SERPINF2: variants seen among roughly 807,000 people sequenced by gnomAD.
The protein encoded by SERPINF2 is serpin family F member 2, also known as alpha-2-antiplasmin.
In SERPINF2, 15 loss-of-function variants were observed where a neutral mutation model predicts 45.0. The ratio of observed to expected loss-of-function variants is 0.33; its 90% confidence interval spans 0.22 to 0.51. SERPINF2 has a LOEUF of 0.51. SERPINF2 is among the 20% of genes least tolerant of loss of function. The pLI, the probability that SERPINF2 is intolerant of heterozygous loss-of-function variation, is 0.97. For missense variants in SERPINF2, 518 were observed against 637.4 expected (o/e 0.81, Z 2.02); for synonymous variants, 283 against 277.9 (o/e 1.02, Z -0.18).
intron 9 of SERPINF2, among the ~76,000 whole-genome samples, chr17:1,753,300 G>T (rs781352878): frequency 1.3e-5 from 2 of 152,124 alleles, no homozygotes; most frequent in African/African-American, 4.8e-5. Context: ...GAGGTGGGAG[G>T]CCCTCTTGAC....
intron 8 of SERPINF2, among the ~76,000 whole-genome samples, 179 bp from the exon 9 acceptor site, chr17:1,752,407 G>A (rs1393036442): frequency 6.6e-6 from 1 of 152,178 alleles, no homozygotes; most frequent in Non-Finnish European, 1.5e-5. Context: ...TCCGCCTGCA[G>A]TGGGACAGGT....
chr17:1,747,582 T>C, intron 7 of SERPINF2, 70 bp downstream of exon 7: 1 of 1,521,552 alleles, frequency 6.6e-7, no homozygotes, highest in Non-Finnish European at 9.0e-7. Flanking sequence ...TTTTTGTTTT[T>C]TGAGACAAGT....
Position 1,745,024 on chromosome 17 carries a change from T to C in SERPINF2, c.29T>C (p.Leu10Pro), listed in dbSNP as rs754979455. MALLWGLLV[L>P]SWSCLQGPCS... ...GCGCTGCTCTGGGGGCTCCTGGTGCTCAGCTGGTCCTGCCTGCAAGGCCCC... is the reference window on the plus strand; with the variant it reads ...GCGCTGCTCTGGGGGCTCCTGGTGCCCAGCTGGTCCTGCCTGCAAGGCCCC... Residue 10 changes from leucine (L) to proline (P), a missense_variant, in exon 2 of 10, where the codon CTC becomes CCC. Leu to Pro is a moderately conservative substitution (Grantham distance 98). Coordinates refer to ENST00000453066, the MANE Select transcript of SERPINF2 (RefSeq NM_000934.4). This position sits in a 1 kb window ranked among gnomAD's most constrained non-coding sequence, Gnocchi z 6.2. The C allele has an allele frequency of 1.9e-6, 3 of 1,613,554 alleles. No homozygotes were observed. In the Admixed American group the frequency reaches 5.0e-5, roughly 27 times the overall value.
At chr17:1,746,193 CT>C in intron 5 of SERPINF2, among the ~76,000 whole-genome samples, 1 of 152,064 alleles carries the variant, frequency 6.6e-6, no homozygotes, top group East Asian at 2.0e-4. Flanking sequence ...TGGTGCGCAC[CT>C]GTAATTCCAG....
At chr17:1,743,676 T>G (rs1006675036) in intron 1 of SERPINF2, among the ~76,000 whole-genome samples, 4 of 142,180 alleles carry the variant, frequency 2.8e-5, no homozygotes, top group African/African-American at 1.1e-4. Context: ...GATCGTGCCA[T>G]TGCACTCCAG....
chr17:1,748,581 C>T lies in SERPINF2; in HGVS notation c.716-17C>T, dbSNP rs768615629. ...TGGTCCCCGTCGACGTGACCCCTGC[C>T]CTCTGCTGGGTTTCAGGTTTCTGGA... On this transcript the variant is annotated splice_polypyrimidine_tract_variant and intron_variant, in intron 7 of 9. Coordinates refer to ENST00000453066, the MANE Select transcript of SERPINF2 (RefSeq NM_000934.4). The T allele has an allele frequency of 5.6e-6, 9 of 1,612,396 alleles. No individual in the cohort carries two copies. The African/African-American group carries it at 1.2e-4, about 22-fold the overall frequency.
At chr17:1,743,169 TGGG>T (rs1248191771) in intron 1 of SERPINF2, 3 of 887,250 alleles carry the variant, frequency 3.4e-6, no homozygotes, top group African/African-American at 1.9e-5. Flanking sequence ...GGCCCCAAGA[TGGG>T]GGTGGGCTGG....
At chr17:1,744,625 C>T in intron 1 of SERPINF2, 13 of 985,440 alleles carry the variant, frequency 1.3e-5, no homozygotes, top group East Asian at 1.1e-4. Context: ...CGGGAAATGC[C>T]GAGGTCCTTT....
chr17:1,754,039 G>A, intron 9 of SERPINF2, 83 bp from the exon 10 acceptor site: 1 of 1,524,772 alleles, frequency 6.6e-7, no homozygotes. Flanking sequence ...TCCCTGGCCA[G>A]GATCTCAGAC....
At position 1,748,536 on chromosome 17, in the gene SERPINF2, C is replaced by T; in HGVS notation, c.716-62C>T. ...CCAAGCTGGTCCCCATCGACGTGAC[C>T]CCTGCCCTCTGCCCCAAGCTGGTCC... is the stretch of plus-strand genomic sequence containing the variant. On this transcript the variant is annotated intron_variant, in intron 7 of 9. Coordinates refer to ENST00000453066, the MANE Select transcript of SERPINF2 (RefSeq NM_000934.4). 3.1e-6 allele frequency: 5 copies of T among 1,599,774 alleles called. 1 individual carries two copies. The highest frequency in any genetic ancestry group is 2.2e-5 in the South Asian group (2 of 90,994).
rs1597336974 is a variant in SERPINF2, at chr17:1,754,622, G to A, written c.*88G>A. 2 of 1,518,192 alleles carry A rather than the reference G, an allele frequency of 1.3e-6. No homozygotes were observed. The highest frequency in any genetic ancestry group is 2.3e-5 in the East Asian group (1 of 44,244). The allele number at this position is 1,518,192 out of a possible 1,614,324, so 94.0% of individuals were successfully genotyped here. Reference sequence around the variant, plus strand: ...TTCCAACCGGCTTTGTGGCACTGGGGCAGGGGCCGGGGGCAGTCTGAGAGA... The same window carrying A: ...TTCCAACCGGCTTTGTGGCACTGGGACAGGGGCCGGGGGCAGTCTGAGAGA... On this transcript the variant is annotated 3_prime_UTR_variant, in exon 10 of 10. Coordinates refer to ENST00000453066, the MANE Select transcript of SERPINF2 (RefSeq NM_000934.4).
Position 1,747,121 on chromosome 17 carries a change from C to G in SERPINF2, c.470C>G (p.Pro157Arg). Residue 157 changes from proline to arginine, a missense_variant, in exon 6 of 10, where the codon CCC (proline) becomes CGC (arginine). Pro to Arg is a moderately radical substitution (Grantham distance 103). Coordinates refer to ENST00000453066, the MANE Select transcript of SERPINF2 (RefSeq NM_000934.4). ...AGCCGCCTCTGCCAGGACCTGGGCC[C>G]CGGCGCGTTCCGACTGGCTGCCAGG... ...LLSRLCQDLG[P>R]GAFRLAARMY... 3.7e-6 allele frequency: 6 copies of G among 1,611,754 alleles called. No homozygotes were observed. The highest frequency in any genetic ancestry group is 4.2e-6 in the Non-Finnish European group (5 of 1,179,980).
chr17:1,754,154 C>T lies in SERPINF2; in HGVS notation c.1096C>T (p.Arg366Cys), dbSNP rs1270118911. 8 of 1,609,168 alleles carry T rather than the reference C, an allele frequency of 5.0e-6. No individual in the cohort carries two copies. The highest frequency in any genetic ancestry group is 2.7e-5 in the African/African-American group (2 of 74,928). Residue 366 changes from arginine (R) to cysteine (C), a missense_variant, in exon 10 of 10, where the codon CGT becomes TGT. Arg to Cys is a radical substitution (Grantham distance 180). Around this residue, in one of 2 missense-constraint regions of SERPINF2, gnomAD observed 435 missense variants for 577.3 expected, o/e 0.75. Transcript: ENST00000453066. ...GGAGTTGTTCCAGGCCCCAGACCTG[C>T]GTGGGATCTCCGAGCAGAGCCTGGT... The part of the protein sequence containing the change: ...LQELFQAPDL[R>C]GISEQSLVVS...
In SERPINF2 at chr17:1,754,348, G is replaced by A. The variant is rs1183620457; in HGVS notation, c.1290G>A (p.Val430=). The A allele has an allele frequency of 6.2e-7, 1 of 1,614,136 alleles. No individual in the cohort carries two copies. The highest frequency in any genetic ancestry group is 8.5e-7 in the Non-Finnish European group (1 of 1,180,008). ...FEDTTGLPLF[V]GSVRNPNPSA... is the part of the protein sequence containing the mutation. ...ACACCACAGGCCTTCCCCTCTTCGT[G>A]GGCAGCGTGAGGAACCCCAACCCCA... The change falls in exon 10 of 10, where the codon GTG becomes GTA. Residue 430 remains valine (V), a synonymous_variant. Coordinates refer to ENST00000453066, the MANE Select transcript of SERPINF2 (RefSeq NM_000934.4).
At chr17:1,744,014 GC>G (rs1905554850) in intron 1 of SERPINF2, among the ~76,000 whole-genome samples, 1 of 151,244 alleles carries the variant, frequency 6.6e-6, no homozygotes, top group Non-Finnish European at 1.5e-5. Flanking sequence ...CTCTGCCTCA[GC>G]CTCCCGAGTA....
chr17:1,746,643 T>G (rs1905850153), intron 5 of SERPINF2, among the ~76,000 whole-genome samples: 1 of 151,834 alleles, frequency 6.6e-6, no homozygotes, highest in Non-Finnish European at 1.5e-5. Context: ...GCCAGGGTGG[T>G]CTCGAACTCT....
At position 1,747,076 on chromosome 17, in the gene SERPINF2, C is replaced by T; in HGVS notation, c.425C>T (p.Pro142Leu). The T allele has an allele frequency of 6.2e-7, 1 of 1,609,588 alleles. No individual in the cohort carries two copies. The highest frequency in any genetic ancestry group is 8.5e-7 in the Non-Finnish European group (1 of 1,179,880). The change falls in exon 6 of 10, where the codon CCC becomes CTC. Residue 142 changes from proline to leucine, a missense_variant. By Grantham distance (98) the Pro-to-Leu change is moderately conservative. Transcript: ENST00000453066. ...CAGGTGCTGCACGCAGGCTCAGGGC[C>T]CTGCCTCCCCCATCTGCTGAGCCGC... is the stretch of plus-strand genomic sequence containing the variant. ...LQQVLHAGSG[P>L]CLPHLLSRLC...
chr17:1,750,411 T>C (rs1906279749), intron 8 of SERPINF2, among the ~76,000 whole-genome samples: 1 of 152,006 alleles, frequency 6.6e-6, no homozygotes, highest in Admixed American at 6.6e-5. Context: ...CCTCCCAACG[T>C]GCTGGGATTA....
intron 8 of SERPINF2, among the ~76,000 whole-genome samples, chr17:1,749,675 C>T (rs759747788): frequency 1.3e-5 from 2 of 152,128 alleles, no homozygotes; most frequent in African/African-American, 2.4e-5. Flanking sequence ...GCTGGGATTA[C>T]GGGCATGAGC....
Sources: allele counts gnomAD v4.1 joint callset (sites outside exome capture counted in the v4.1 genomes callset), GRCh38; gene constraint gnomAD v4.1.1; regional missense constraint gnomAD v4.1.1; non-coding constraint Gnocchi (gnomAD v3.1); transcripts MANE v1.5; gene names NCBI Gene and HGNC (gene_info 2026-07-23, HGNC 2026-07-21).